The following MDN1 variants were observed in gnomAD, a reference collection of about 807,000 sequenced individuals.
MDN1 encodes the protein midasin.
In MDN1, 266 loss-of-function variants were observed where a neutral mutation model predicts 669.2. That is an observed-to-expected ratio of 0.40 (90% CI 0.36 to 0.44). The LOEUF (loss-of-function observed/expected upper bound fraction) is 0.44, where lower values mean the gene tolerates loss of function less well. Ranked by LOEUF, MDN1 falls within the 20% of genes least tolerant of loss-of-function variation. The probability of loss-of-function intolerance (pLI) is 1.00; values close to 1 mark genes in which losing one functional copy is unlikely to be tolerated. For missense variants in MDN1, 5,940 were observed against 6,754.0 expected (o/e 0.88, Z 4.22); for synonymous variants, 2,385 against 2,457.1 (o/e 0.97, Z 0.87).
chr6:89,713,751 TAA>T (rs1189522447), intron 46 of MDN1, among the ~76,000 whole-genome samples: 2 of 152,132 alleles, frequency 1.3e-5, no homozygotes, highest in Non-Finnish European at 2.9e-5. Flanking sequence ...AGAACTAATG[TAA>T]AGATTAAATA....
At chr6:89,750,237 C>T (rs1281505772) in intron 24 of MDN1, 117 bp downstream of exon 24, 1 of 1,041,516 alleles carries the variant, frequency 9.6e-7, no homozygotes, top group South Asian at 1.7e-5. Context: ...TCAAGAAAAG[C>T]CGGCTGTTAC....
At chr6:89,736,848 T>TA (rs999831893) in intron 33 of MDN1, among the ~76,000 whole-genome samples, 2 of 152,156 alleles carry the variant, frequency 1.3e-5, no homozygotes, top group African/African-American at 4.8e-5. Flanking sequence ...ATTCTCACAG[T>TA]AAATGTGCTG....
In MDN1 at chr6:89,655,004, A is replaced by AG. The variant is rs528957021; in HGVS notation, c.15491-671dup. Among the ~76,000 whole-genome samples, 360 of 152,350 alleles carry AG rather than the reference A, an allele frequency of 2.4e-3. 2 individuals carry two copies. Among genetic ancestry groups the AG allele is most frequent in the African/African-American group, 8.3e-3 (346 of 41,578 alleles). On this transcript the variant is annotated intron_variant, in intron 92 of 101. Transcript: ENST00000369393. ...CTTAACTATACAACAGAGAGACTCT[A>AG]GCTCATAGGATTAGTTGAGGAAGTT...
chr6:89,731,093 C>T (rs1352636227), intron 34 of MDN1, among the ~76,000 whole-genome samples, 170 bp from the exon 35 acceptor site: 4 of 152,136 alleles, frequency 2.6e-5, no homozygotes, highest in Admixed American at 2.6e-4. Context: ...ACACGCATCC[C>T]CCACAATCTA....
At chr6:89,745,688 G>A in intron 27 of MDN1, 62 bp from the exon 28 acceptor site, 1 of 1,501,738 alleles carries the variant, frequency 6.7e-7, no homozygotes, top group South Asian at 1.2e-5. Context: ...GAACACCAAG[G>A]GATATGGAGA....
intron 47 of MDN1, 110 bp downstream of exon 47, chr6:89,713,038 A>C (rs1329182927): frequency 4.2e-5 from 49 of 1,180,580 alleles, no homozygotes; most frequent in Non-Finnish European, 5.1e-5. Context: ...AGCAAACTGC[A>C]GTGGTCAACT....
chr6:89,819,123 G>T (rs1441345342), intron 1 of MDN1, among the ~76,000 whole-genome samples: 1 of 152,220 alleles, frequency 6.6e-6, no homozygotes, highest in Non-Finnish European at 1.5e-5. Context: ...CAAACTAACA[G>T]GAGTGGCTGC....
chr6:89,648,367 T>C, intron 97 of MDN1, 38 bp from the exon 98 acceptor site: 1 of 1,582,386 alleles, frequency 6.3e-7, no homozygotes, highest in Non-Finnish European at 8.7e-7. Flanking sequence ...GGAATCAGAA[T>C]ATCCTCTAAA....
rs752878649 is a variant in MDN1 at position 89,683,782 on chromosome 6, C to A, written c.11903+49G>T. On this transcript the variant is annotated intron_variant, in intron 72 of 101. Coordinates refer to ENST00000369393, the MANE Select transcript of MDN1 (RefSeq NM_014611.3). ...CTATGTCGTTTTGCTCCCTACCACACAAAATTCTATTCTATTTTGGTTGTC... is the reference window on the plus strand; with the variant it reads ...CTATGTCGTTTTGCTCCCTACCACAAAAAATTCTATTCTATTTTGGTTGTC... The A allele has an allele frequency of 7.8e-5, 115 of 1,469,876 alleles. No individual in the cohort carries two copies. In the South Asian group the frequency reaches 1.3e-3, roughly 17 times the overall value. 91.1% of individuals were successfully genotyped at this position (1,469,876 alleles called of 1,614,324 possible). A position where few individuals can be genotyped will look rare whatever the true frequency, so the allele number is the denominator to read the frequency against.
At chr6:89,763,441 T>G (rs535388185) in intron 15 of MDN1, among the ~76,000 whole-genome samples, 1 of 152,218 alleles carries the variant, frequency 6.6e-6, no homozygotes, top group African/African-American at 2.4e-5. Context: ...TCCTTAGCAT[T>G]AAATTCCTCT....
chr6:89,778,688 T>C (rs1818473456), intron 11 of MDN1, among the ~76,000 whole-genome samples: 1 of 151,372 alleles, frequency 6.6e-6, no homozygotes, highest in Admixed American at 6.6e-5. Context: ...ATCGAGATCA[T>C]CCTGGCTAAC....
At position 89,715,637 on chromosome 6, in the gene MDN1, T is replaced by A. The variant is rs1217844614; in HGVS notation, c.6860+16A>T. ...GCTGTCAGATTCTGAGGCAGAAATGTAAGAGATACAAATACCTGAAATTGG... is the reference window on the plus strand; with the variant it reads ...GCTGTCAGATTCTGAGGCAGAAATGAAAGAGATACAAATACCTGAAATTGG... On this transcript the variant is annotated intron_variant, in intron 45 of 101. Transcript: ENST00000369393. The A allele has an allele frequency of 6.7e-7, 1 of 1,491,838 alleles. No individual in the cohort carries two copies. The highest frequency in any genetic ancestry group is 1.1e-5 in the South Asian group (1 of 88,556). The allele number at this position is 1,491,838 out of a possible 1,614,324, so 92.4% of individuals were successfully genotyped here. A position where few individuals can be genotyped will look rare whatever the true frequency, so the allele number is the denominator to read the frequency against.
At position 89,685,892 on chromosome 6, in the gene MDN1, A is replaced by G; in HGVS notation, c.11654T>C (p.Val3885Ala). 6.2e-7 allele frequency: 1 copy of G among 1,614,170 alleles called. No homozygotes were observed. The highest frequency in any genetic ancestry group is 2.2e-5 in the East Asian group (1 of 44,868). Residue 3885 changes from valine to alanine, a missense_variant, in exon 70 of 102, where the codon GTG becomes GCG. Physicochemically the swap from Val to Ala is moderately conservative, Grantham distance 64. Transcript: ENST00000369393. The stretch of plus-strand genomic sequence containing the variant: ...GAAAACCAGTAACATCTGAAGTCGC[A>G]CATGGAACTCTCCCAGCGAGGATCC... Reference protein sequence around the residue: ...IEGSSLGEFHVRLQMLLVFHC... With the variant: ...IEGSSLGEFHARLQMLLVFHC...
chr6:89,776,798 C>G (rs1396584493), intron 11 of MDN1, 103 bp from the exon 12 acceptor site: 3 of 795,086 alleles, frequency 3.8e-6, no homozygotes, highest in African/African-American at 1.8e-5. Context: ...CAAAATCCAG[C>G]AGGAACATTT....
chr6:89,800,498 G>A (rs983215094), intron 2 of MDN1, among the ~76,000 whole-genome samples: 50 of 152,124 alleles, frequency 3.3e-4, no homozygotes, highest in Middle Eastern at 3.2e-3. Context: ...ACAAATGGAG[G>A]TGCTGAGAGG....
chr6:89,740,239 T>G lies in MDN1; in HGVS notation c.4588A>C (p.Lys1530Gln), dbSNP rs1336075612. The G allele has an allele frequency of 6.2e-7, 1 of 1,611,862 alleles. No individual in the cohort carries two copies. Among genetic ancestry groups the G allele is most frequent in the Non-Finnish European group, 8.5e-7 (1 of 1,179,298 alleles). The change falls in exon 32 of 102, where the codon AAG becomes CAG. Residue 1530 changes from lysine (K) to glutamine (Q), a missense_variant. Lys to Gln is a moderately conservative substitution (Grantham distance 53). Around this residue, in one of 5 missense-constraint regions of MDN1, gnomAD observed 2,292 missense variants for 2,638.3 expected, o/e 0.87. Transcript: ENST00000369393. ...TMNPGGDFGK[K>Q]ELSPALRNRF... Reference sequence around the variant, plus strand: ...GTGCATCAGTAAAGTTTTACCTCCTTTTTTCCAAAGTCACCCCCAGGGTTC... The same window carrying G: ...GTGCATCAGTAAAGTTTTACCTCCTGTTTTCCAAAGTCACCCCCAGGGTTC...
chr6:89,749,180 G>C, intron 26 of MDN1, 43 bp downstream of exon 26: 1 of 1,505,448 alleles, frequency 6.6e-7, no homozygotes, highest in Non-Finnish European at 8.9e-7. Context: ...ATGAAATTTT[G>C]ATCACCAAGT....
chr6:89,740,995 G>C (rs371213484), intron 31 of MDN1, among the ~76,000 whole-genome samples: 8 of 152,358 alleles, frequency 5.3e-5, no homozygotes, highest in Admixed American at 3.3e-4. Context: ...ACTTTGGAAG[G>C]CCAAGGTGGG....
intron 1 of MDN1, among the ~76,000 whole-genome samples, chr6:89,812,522 A>C (rs1768500892): frequency 6.6e-6 from 1 of 152,100 alleles, no homozygotes; most frequent in Non-Finnish European, 1.5e-5. Context: ...AAAGGAAAAA[A>C]AGTCTTCATA....
Sources: gnomAD v4.1 joint callset for allele counts (sites outside exome capture counted in the v4.1 genomes callset) on GRCh38, gnomAD v4.1.1 for gene constraint, gnomAD v4.1.1 regional missense constraint, MANE v1.5 for transcripts, NCBI Gene and HGNC (gene_info 2026-07-23, HGNC 2026-07-21) for gene names.